Variants in OSBPL10 observed in about 807,000 individuals in gnomAD.
OSBPL10 encodes the protein oxysterol binding protein like 10, also known as oxysterol-binding protein-related protein 10.
Under a neutral mutation model 81.7 loss-of-function variants are expected in OSBPL10, and 49 were observed. That is an observed-to-expected ratio of 0.60 (90% CI 0.48 to 0.76). The LOEUF (loss-of-function observed/expected upper bound fraction) is 0.76, where lower values mean the gene tolerates loss of function less well. Among genes scored for constraint, OSBPL10 ranks in the 30% least tolerant of loss-of-function variants. OSBPL10 has a pLI of 0.00. For synonymous variants in OSBPL10, 419 were observed against 383.6 expected (o/e 1.09, Z -1.08); for missense variants, 923 against 987.8 (o/e 0.93, Z 0.88).
chr3:31,787,986 T>C (rs1263005043), intron 4 of OSBPL10, among the ~76,000 whole-genome samples: 1 of 152,144 alleles, frequency 6.6e-6, no homozygotes, highest in African/African-American at 2.4e-5. Context: ...AAAAAGAAAG[T>C]ATTCTGCCCA....
intron 1 of OSBPL10, among the ~76,000 whole-genome samples, chr3:31,947,048 C>G (rs576973315): frequency 1.3e-5 from 2 of 152,194 alleles, no homozygotes; most frequent in South Asian, 4.2e-4. Flanking sequence ...GGGAGCAGAC[C>G]AGAAAGGCAG....
At chr3:31,873,194 T>C (rs1701375535) in intron 3 of OSBPL10, among the ~76,000 whole-genome samples, 1 of 152,150 alleles carries the variant, frequency 6.6e-6, no homozygotes, top group Non-Finnish European at 1.5e-5. Flanking sequence ...TTTTATTGTA[T>C]GCAAATTATA....
intron 3 of OSBPL10, among the ~76,000 whole-genome samples, chr3:31,836,557 C>T (rs1416571387): frequency 7.1e-6 from 1 of 140,250 alleles, no homozygotes; most frequent in Non-Finnish European, 1.6e-5. Context: ...TACCCCCCTG[C>T]CAATAAATCC....
chr3:31,693,392 A>G (rs1209612616), intron 7 of OSBPL10, among the ~76,000 whole-genome samples: 1 of 152,252 alleles, frequency 6.6e-6, no homozygotes. Flanking sequence ...ATCATCACCT[A>G]TAACATCAAG....
intron 4 of OSBPL10, among the ~76,000 whole-genome samples, chr3:31,816,581 G>C (rs1699839506): frequency 6.6e-6 from 1 of 152,180 alleles, no homozygotes; most frequent in African/African-American, 2.4e-5. Context: ...ACATTAATCT[G>C]GGCCAGGCAC....
intron 2 of OSBPL10, among the ~76,000 whole-genome samples, chr3:32,001,714 C>T (rs1699149744): frequency 6.6e-6 from 1 of 151,548 alleles, no homozygotes; most frequent in Non-Finnish European, 1.5e-5. Flanking sequence ...CATTGCTTCT[C>T]AGCCTTTTGG....
intron 6 of OSBPL10, among the ~76,000 whole-genome samples, chr3:31,726,796 G>A (rs1164257772): frequency 2.0e-5 from 3 of 151,796 alleles, no homozygotes; most frequent in Admixed American, 2.0e-4. Flanking sequence ...ACCACACCTG[G>A]AACCACCTAC....
At chr3:31,799,268 G>A (rs377605995) in intron 4 of OSBPL10, among the ~76,000 whole-genome samples, 72 of 151,324 alleles carry the variant, frequency 4.8e-4, no homozygotes, top group Non-Finnish European at 6.0e-4. Flanking sequence ...TAAGAGTAGC[G>A]TGATGGTACA....
At chr3:32,009,786 C>T (rs1699236611) in intron 2 of OSBPL10, among the ~76,000 whole-genome samples, 1 of 152,132 alleles carries the variant, frequency 6.6e-6, no homozygotes, top group African/African-American at 2.4e-5. Flanking sequence ...CTGAAATAGA[C>T]CTCTAGGGTC....
chr3:32,052,065 GC>G (rs1699673661), intron 1 of OSBPL10, among the ~76,000 whole-genome samples: 1 of 151,856 alleles, frequency 6.6e-6, no homozygotes. Context: ...GGGAAACATG[GC>G]AAAACCCCAC....
At chr3:31,870,294 C>T (rs1701286842) in intron 3 of OSBPL10, among the ~76,000 whole-genome samples, 1 of 152,254 alleles carries the variant, frequency 6.6e-6, no homozygotes, top group African/African-American at 2.4e-5. Flanking sequence ...ACTGGGTCCC[C>T]CAGCAGTCCC....
chr3:31,837,326 TATATATATATATATA>T (rs1700380142), intron 3 of OSBPL10, among the ~76,000 whole-genome samples: 1 of 4,492 alleles, frequency 2.2e-4, no homozygotes, highest in African/African-American at 1.4e-3. Flanking sequence ...CCAAATTATA[TATATATATATATATA>T]TATATATATA....
intron 1 of OSBPL10, among the ~76,000 whole-genome samples, chr3:31,966,609 T>A (rs1031194918): frequency 6.6e-6 from 1 of 151,976 alleles, no homozygotes; most frequent in Non-Finnish European, 1.5e-5. Flanking sequence ...AGGGGCCTCA[T>A]GAACATTAAA....
At chr3:31,785,904 C>A (rs1458308299) in intron 4 of OSBPL10, among the ~76,000 whole-genome samples, 1 of 152,136 alleles carries the variant, frequency 6.6e-6, no homozygotes, top group African/African-American at 2.4e-5. Context: ...CATAAAATGG[C>A]CACAGTTATG....
At chr3:31,975,138 T>A (rs1698657995) in intron 1 of OSBPL10, among the ~76,000 whole-genome samples, 1 of 152,148 alleles carries the variant, frequency 6.6e-6, no homozygotes, top group Non-Finnish European at 1.5e-5. Flanking sequence ...CAATACGTAT[T>A]TTGAACCATA....
intron 3 of OSBPL10, among the ~76,000 whole-genome samples, chr3:31,874,576 C>T (rs1409726350): frequency 6.6e-6 from 1 of 152,084 alleles, no homozygotes; most frequent in Non-Finnish European, 1.5e-5. Context: ...TGGCAGTTTG[C>T]ATTATTTTTA....
chr3:31,975,025 C>A lies in OSBPL10; in HGVS notation c.281+5874G>T, dbSNP rs1376166252. On this transcript the variant is annotated intron_variant, in intron 1 of 11. Transcript: ENST00000396556. ...TGGAAATCACCCATAATCCCACCAA[C>A]CAAAGAAAACCATTTTGGTGTGAAT... Among the ~76,000 whole-genome samples, 4 of 152,146 alleles carry A rather than the reference C, an allele frequency of 2.6e-5. No individual in the cohort carries two copies. The East Asian group carries it at 7.7e-4, about 29-fold the overall frequency.
intron 4 of OSBPL10, among the ~76,000 whole-genome samples, chr3:31,787,397 C>A (rs529022807): frequency 2.0e-5 from 3 of 152,216 alleles, no homozygotes; most frequent in African/African-American, 7.2e-5. Context: ...GAGTTCCAGA[C>A]CAGCCTGGCC....
chr3:31,772,022 A>G (rs1018034388), intron 4 of OSBPL10, among the ~76,000 whole-genome samples: 1 of 152,180 alleles, frequency 6.6e-6, no homozygotes, highest in Non-Finnish European at 1.5e-5. Context: ...TTGCAGAATC[A>G]TTTGCCTAGC....
Sources: gnomAD v4.1 joint callset for allele counts (sites outside exome capture counted in the v4.1 genomes callset) on GRCh38, gnomAD v4.1.1 for gene constraint, MANE v1.5 for transcripts, NCBI Gene and HGNC (gene_info 2026-07-23, HGNC 2026-07-21) for gene names.